Variants in ERG28 observed in about 807,000 individuals in gnomAD.
The protein encoded by ERG28 is ergosterol biosynthesis 28 homolog.
In ERG28, 9 loss-of-function variants were observed where a neutral mutation model predicts 15.7. That is an observed-to-expected ratio of 0.57 (90% CI 0.35 to 1.00). The LOEUF is 1.00. Among genes scored for constraint, ERG28 ranks in the 50% least tolerant of loss-of-function variants. ERG28 has a pLI of 0.02. For synonymous variants in ERG28, 61 were observed against 68.4 expected (o/e 0.89, Z 0.53); for missense variants, 117 against 173.3 (o/e 0.68, Z 1.82).
chr14:75,654,445 C>T (rs982196622), intron 3 of ERG28, among the ~76,000 whole-genome samples: 1 of 152,224 alleles, frequency 6.6e-6, no homozygotes, highest in African/African-American at 2.4e-5. Context: ...CCTGCTGATG[C>T]TGCATACACA....
rs1470576717 is a variant in ERG28, at chr14:75,651,520, A to G, written c.*35T>C. The G allele has an allele frequency of 3.2e-6, 5 of 1,570,098 alleles. No homozygotes were observed. Among genetic ancestry groups the G allele is most frequent in the Admixed American group, 1.7e-5 (1 of 58,986 alleles). On this transcript the variant is annotated 3_prime_UTR_variant, in exon 5 of 5. Coordinates refer to ENST00000256319, the MANE Select transcript of ERG28 (RefSeq NM_007176.4). ...CGAAGGAAGAAGATGGCCAAGGTGG[A>G]AAACGAGAAAGTCCTGGAGGTGATA...
In ERG28 at chr14:75,654,965, G is replaced by A. The variant is rs1468446547; in HGVS notation, c.145C>T (p.Gln49Ter). 6.2e-7 allele frequency: 1 copy of A among 1,613,894 alleles called. No homozygotes were observed. The highest frequency in any genetic ancestry group is 1.3e-5 in the African/African-American group (1 of 74,914). Residue 49 changes from glutamine to a stop codon, truncating the protein, a stop_gained, in exon 3 of 5, where the codon CAA becomes TAA. Transcript: ENST00000256319. LOFTEE classifies it high-confidence loss of function. ...GTCCAGATCCCAAAGGTCCGAGCTT[G>A]GAGGCCATTCACTGTGTAGCAGAAA... ...TGKPNLVNGL[Q>*]ARTFGIWTLL...
intron 3 of ERG28, among the ~76,000 whole-genome samples, chr14:75,654,458 C>T (rs1463476431): frequency 6.6e-6 from 1 of 152,218 alleles, no homozygotes; most frequent in African/African-American, 2.4e-5. Flanking sequence ...CATACACATA[C>T]AACAGTTTAC....
At chr14:75,657,978 T>C (rs537704830) in intron 1 of ERG28, among the ~76,000 whole-genome samples, 1 of 152,324 alleles carries the variant, frequency 6.6e-6, no homozygotes, top group South Asian at 2.1e-4. Flanking sequence ...AGGTATACCA[T>C]GCTCCATAAA....
At position 75,651,475 on chromosome 14, in the gene ERG28, A is replaced by T; in HGVS notation, c.*80T>A. 7.3e-7 allele frequency: 1 copy of T among 1,366,074 alleles called. No individual in the cohort carries two copies. The highest frequency in any genetic ancestry group is 1.0e-6 in the Non-Finnish European group (1 of 978,492). The allele number at this position is 1,366,074 out of a possible 1,614,324, so 84.6% of individuals were successfully genotyped here. ...AAGGGCAGATGATGGAATAGAAAAG[A>T]AATTAAAGAGGAGAGACGACGAAGG... On this transcript the variant is annotated 3_prime_UTR_variant, in exon 5 of 5. Coordinates refer to ENST00000256319, the MANE Select transcript of ERG28 (RefSeq NM_007176.4).
In ERG28 at chr14:75,650,378, T is replaced by C. The variant is rs563453774; in HGVS notation, c.*1177A>G. On this transcript the variant is annotated 3_prime_UTR_variant, in exon 5 of 5. Transcript: ENST00000256319. ...GGGCATTGCCTGTGTCGTTCATTTC[T>C]CTTTCCCAAGTGTCCGGCATGGAGA... is the stretch of plus-strand genomic sequence containing the variant. 1.3e-5 allele frequency: 2 copies of C among 152,408 alleles called. No individual in the cohort carries two copies. Among genetic ancestry groups the C allele is most frequent in the African/African-American group, 4.8e-5 (2 of 41,598 alleles). 9.4% of individuals were successfully genotyped at this position (152,408 alleles called of 1,614,324 possible). A position where few individuals can be genotyped will look rare whatever the true frequency, so the allele number is the denominator to read the frequency against.
Position 75,651,907 on chromosome 14 carries a change from G to A in ERG28, c.225-18C>T. ...GATAGAGCCTATAAGGAAGCAGACAGAAATGGGAACCAAAGTTACTGTTTG... is the reference window on the plus strand; with the variant it reads ...GATAGAGCCTATAAGGAAGCAGACAAAAATGGGAACCAAAGTTACTGTTTG... On this transcript the variant is annotated intron_variant, in intron 3 of 4. Coordinates refer to ENST00000256319, the MANE Select transcript of ERG28 (RefSeq NM_007176.4). 1 of 1,575,232 alleles carries A rather than the reference G, an allele frequency of 6.3e-7. No individual in the cohort carries two copies. Among genetic ancestry groups the A allele is most frequent in the Non-Finnish European group, 8.7e-7 (1 of 1,144,828 alleles).
At chr14:75,651,655 T>A in intron 4 of ERG28, 21 bp from the exon 5 acceptor site, 1 of 1,607,600 alleles carries the variant, frequency 6.2e-7, no homozygotes. Context: ...GAGGAAAGAC[T>A]AGTGACTAAC....
intron 1 of ERG28, among the ~76,000 whole-genome samples, chr14:75,657,747 G>A (rs1890616818): frequency 6.6e-6 from 1 of 152,098 alleles, no homozygotes; most frequent in African/African-American, 2.4e-5. Context: ...TCCTTTTTCT[G>A]GGTTGGAATC....
chr14:75,657,288 T>G, intron 2 of ERG28, 82 bp downstream of exon 2: 3 of 1,504,906 alleles, frequency 2.0e-6, no homozygotes, highest in Non-Finnish European at 2.7e-6. Flanking sequence ...GTTACTCTGA[T>G]GTACAGCCTG....
intron 1 of ERG28, among the ~76,000 whole-genome samples, chr14:75,659,841 G>A (rs1380595888): frequency 6.7e-6 from 1 of 148,418 alleles, no homozygotes; most frequent in Admixed American, 6.8e-5. Context: ...AGTCAGCAAT[G>A]GCCCAAGACA....
chr14:75,656,891 A>G (rs1890605166), intron 2 of ERG28, among the ~76,000 whole-genome samples: 2 of 152,176 alleles, frequency 1.3e-5, no homozygotes, highest in Admixed American at 6.5e-5. Flanking sequence ...GAGTCATGTA[A>G]GCCCCAGAAT....
intron 3 of ERG28, among the ~76,000 whole-genome samples, chr14:75,653,293 G>A (rs1890553453): frequency 6.6e-6 from 1 of 151,960 alleles, no homozygotes; most frequent in African/African-American, 2.4e-5. Flanking sequence ...GAAAGTAAAT[G>A]GTAACTGAGG....
chr14:75,656,278 G>GC lies in ERG28; in HGVS notation c.133+1091_133+1092insG, dbSNP rs1890594900. Among the ~76,000 whole-genome samples the GC allele has an allele frequency of 6.1e-5, 5 of 82,530 alleles. No homozygotes were observed. In the Admixed American group the frequency reaches 7.5e-4, roughly 12 times the overall value. The allele number at this position is 82,530 out of a possible 152,430, so 54.1% of individuals were successfully genotyped here. On this transcript the variant is annotated intron_variant, in intron 2 of 4. Coordinates refer to ENST00000256319, the MANE Select transcript of ERG28 (RefSeq NM_007176.4). ...GGCAGCCTCAGCTTCCGTGCTGGCTGAACACACACACACACACACACACAC... is the reference window on the plus strand; with the variant it reads ...GGCAGCCTCAGCTTCCGTGCTGGCTGCAACACACACACACACACACACACAC...
At chr14:75,653,945 A>G (rs1317960379) in intron 3 of ERG28, among the ~76,000 whole-genome samples, 1 of 28,894 alleles carries the variant, frequency 3.5e-5, no homozygotes, top group Non-Finnish European at 6.2e-5. Flanking sequence ...AGTTTGAAAA[A>G]AAATTAAAAA....
Position 75,651,820 on chromosome 14 carries a change from A to G in ERG28, c.294T>C (p.Tyr98=), listed in dbSNP as rs759927874. ...LGHFLSELFV[Y]GTAAPTIGVL... ...CGCCAATCGTGGGAGCTGCAGTTCC[A>G]TAGACAAACAACTCAGAGAGGAAAT... Residue 98 remains tyrosine, a synonymous_variant, in exon 4 of 5, where the codon TAT becomes TAC. Coordinates refer to ENST00000256319, the MANE Select transcript of ERG28 (RefSeq NM_007176.4). The G allele has an allele frequency of 1.2e-6, 2 of 1,614,202 alleles. No homozygotes were observed. Among genetic ancestry groups the G allele is most frequent in the Non-Finnish European group, 1.7e-6 (2 of 1,180,022 alleles).
intron 1 of ERG28, among the ~76,000 whole-genome samples, chr14:75,657,852 C>A (rs1403210760): frequency 1.3e-5 from 2 of 152,174 alleles, no homozygotes; most frequent in Non-Finnish European, 2.9e-5. Flanking sequence ...CTCACAGACA[C>A]CTGCCTGGCT....
chr14:75,654,886 G>A lies in ERG28; in HGVS notation c.224C>T (p.Thr75Met), dbSNP rs370578358. ...CLCAIDIHNKTLYHITLWTFL... is the reference protein window; with the variant it reads ...CLCAIDIHNKMLYHITLWTFL... The stretch of plus-strand genomic sequence containing the variant: ...TAAAGCTCTTCCTTCCCTTACATAC[G>A]TCTTGTTGTGAATGTCAATGGCACA... Residue 75 changes from threonine to methionine, a missense_variant and splice_region_variant, in exon 3 of 5, where the codon ACG becomes ATG. Physicochemically the swap from Thr to Met is moderately conservative, Grantham distance 81. Transcript: ENST00000256319. 14 of 1,610,578 alleles carry A rather than the reference G, an allele frequency of 8.7e-6. No homozygotes were observed. The highest frequency in any genetic ancestry group is 5.3e-5 in the African/African-American group (4 of 74,808).
intron 1 of ERG28, 41 bp from the exon 2 acceptor site, chr14:75,657,574 G>A (rs1890615134): frequency 6.4e-7 from 1 of 1,571,060 alleles, no homozygotes; most frequent in South Asian, 1.1e-5. Flanking sequence ...ATGAGGGCCA[G>A]TCTATGTTAA....
Sources: allele counts gnomAD v4.1 joint callset (sites outside exome capture counted in the v4.1 genomes callset), GRCh38; gene constraint gnomAD v4.1.1; transcripts MANE v1.5; gene names NCBI Gene and HGNC (gene_info 2026-07-23, HGNC 2026-07-21).